Variants in ARFGAP3 observed in about 807,000 individuals in gnomAD.
ARFGAP3 encodes the protein ARF GTPase activating protein 3.
A neutral mutation model predicts 75.0 loss-of-function variants in ARFGAP3; 72 were observed. The observed-to-expected ratio is 0.96, with a 90% CI of 0.79 to 1.17. ARFGAP3 has a LOEUF of 1.17. ARFGAP3 is among the 50% of genes most tolerant of loss of function. The pLI, the probability that ARFGAP3 is intolerant of heterozygous loss-of-function variation, is 0.00. For synonymous variants in ARFGAP3, 221 were observed against 217.9 expected (o/e 1.01, Z -0.13); for missense variants, 620 against 626.6 (o/e 0.99, Z 0.11).
chr22:42,836,265 C>T (rs1280581685), intron 3 of ARFGAP3, among the ~76,000 whole-genome samples: 1 of 152,000 alleles, frequency 6.6e-6, no homozygotes, highest in Admixed American at 6.6e-5. Context: ...CGTGAGCCAC[C>T]GCTCCTGGCC....
At chr22:42,799,597 AC>A (rs1924766772) in intron 14 of ARFGAP3, among the ~76,000 whole-genome samples, 2 of 151,736 alleles carry the variant, frequency 1.3e-5, no homozygotes, top group East Asian at 3.9e-4. Flanking sequence ...TCCAGGAACC[AC>A]CTCTCCCTTC....
At chr22:42,821,332 AAC>A (rs1350889902) in intron 9 of ARFGAP3, among the ~76,000 whole-genome samples, 1 of 152,196 alleles carries the variant, frequency 6.6e-6, no homozygotes, top group African/African-American at 2.4e-5. Context: ...CTAACTCCAG[AAC>A]ACTTTCAGCA....
chr22:42,846,693 T>A (rs1164842566), intron 2 of ARFGAP3, among the ~76,000 whole-genome samples: 2 of 152,236 alleles, frequency 1.3e-5, no homozygotes, highest in Non-Finnish European at 2.9e-5. Flanking sequence ...ACGGTGGAAG[T>A]GAAGCCCTGA....
chr22:42,833,942 G>A (rs1365409548), intron 5 of ARFGAP3, among the ~76,000 whole-genome samples: 1 of 152,118 alleles, frequency 6.6e-6, no homozygotes, highest in Non-Finnish European at 1.5e-5. Context: ...TAGAAGAATA[G>A]GGCATTAGCT....
chr22:42,853,901 C>A, intron 1 of ARFGAP3: 1 of 160,052 alleles, frequency 6.2e-6, no homozygotes. Context: ...CTGCAGAGAG[C>A]ATGAGGAGCC....
chr22:42,808,961 A>G, intron 12 of ARFGAP3, 71 bp from the exon 13 acceptor site: 1 of 1,361,744 alleles, frequency 7.3e-7, no homozygotes. Context: ...TACTCATTTT[A>G]TTTTTTAAAA....
At chr22:42,856,911 C>A (rs1369191284) in intron 1 of ARFGAP3, among the ~76,000 whole-genome samples, 1 of 150,696 alleles carries the variant, frequency 6.6e-6, no homozygotes, top group Non-Finnish European at 1.5e-5. Flanking sequence ...GTGAGGACCC[C>A]CGCGCTGCGG....
In ARFGAP3 at chr22:42,827,430, G is replaced by A. The variant is rs149248394; in HGVS notation, c.566-431C>T. ...TACCCAAGCTGGAGTGCAATGGCAC[G>A]ATCTCGGCTCACTGCAACCTTCGCC... On this transcript the variant is annotated intron_variant, in intron 6 of 15. Coordinates refer to ENST00000263245, the MANE Select transcript of ARFGAP3 (RefSeq NM_014570.5). Among the ~76,000 whole-genome samples the A allele has an allele frequency of 5.0e-3, 756 of 152,164 alleles. 1 individual carries two copies. The highest frequency in any genetic ancestry group is 0.016 in the African/African-American group (660 of 41,514).
intron 1 of ARFGAP3, among the ~76,000 whole-genome samples, chr22:42,856,496 G>A (rs1336256378): frequency 2.6e-5 from 4 of 151,362 alleles, no homozygotes; most frequent in Non-Finnish European, 2.9e-5. Context: ...ACAGCCTCTG[G>A]AGACAAAAAA....
chr22:42,815,603 G>A (rs951566148), intron 11 of ARFGAP3, among the ~76,000 whole-genome samples: 1 of 151,888 alleles, frequency 6.6e-6, no homozygotes, highest in African/African-American at 2.4e-5. Flanking sequence ...ATGTGTGTGG[G>A]TGTGTATATA....
At chr22:42,842,672 C>A (rs1926838883) in intron 2 of ARFGAP3, among the ~76,000 whole-genome samples, 1 of 152,050 alleles carries the variant, frequency 6.6e-6, no homozygotes, top group Non-Finnish European at 1.5e-5. Context: ...TAGTCTCGAA[C>A]TCCTGGCCTC....
At position 42,826,702 on chromosome 22, in the gene ARFGAP3, A is replaced by G. The variant is rs1926054212; in HGVS notation, c.625+238T>C. Reference sequence around the variant, plus strand: ...GGTGTGAGCCACTGCCCCCAGCCACAATGCTGCATTTTATATTATCAAGCT... The same window carrying G: ...GGTGTGAGCCACTGCCCCCAGCCACGATGCTGCATTTTATATTATCAAGCT... On this transcript the variant is annotated intron_variant, in intron 7 of 15. Coordinates refer to ENST00000263245, the MANE Select transcript of ARFGAP3 (RefSeq NM_014570.5). 2.0e-5 allele frequency among the ~76,000 whole-genome samples: 3 copies of G among 152,104 alleles called. No homozygotes were observed. In the South Asian group the frequency reaches 6.2e-4, roughly 32 times the overall value.
At chr22:42,805,534 G>T (rs1003411363) in intron 14 of ARFGAP3, among the ~76,000 whole-genome samples, 1 of 152,146 alleles carries the variant, frequency 6.6e-6, no homozygotes, top group Non-Finnish European at 1.5e-5. Context: ...GGTCACAAAA[G>T]GAAGTTGCCC....
At position 42,852,345 on chromosome 22, in the gene ARFGAP3, G is replaced by A. The variant is rs546207368; in HGVS notation, c.70-4713C>T. 6.7e-5 allele frequency among the ~76,000 whole-genome samples: 10 copies of A among 148,850 alleles called. No individual in the cohort carries two copies. In the South Asian group the frequency reaches 8.6e-4, roughly 13 times the overall value. On this transcript the variant is annotated intron_variant, in intron 1 of 15. Transcript: ENST00000263245. ...AAGTGCTGGGATTACAGGCGCCACC[G>A]CGCCTAGCCTCATCTTGAAATTCTT... is the stretch of plus-strand genomic sequence containing the variant.
chr22:42,825,494 T>A (rs1322591822), intron 7 of ARFGAP3, among the ~76,000 whole-genome samples: 1 of 151,656 alleles, frequency 6.6e-6, no homozygotes, highest in African/African-American at 2.4e-5. Context: ...GACAATATGG[T>A]GAAACCCCGT....
At chr22:42,822,751 T>C (rs778568430) in intron 8 of ARFGAP3, among the ~76,000 whole-genome samples, 1 of 152,154 alleles carries the variant, frequency 6.6e-6, no homozygotes, top group Non-Finnish European at 1.5e-5. Flanking sequence ...GCTATGAAAA[T>C]AGTTACTAAT....
intron 11 of ARFGAP3, among the ~76,000 whole-genome samples, chr22:42,813,605 CT>C (rs891942359): frequency 2.0e-5 from 3 of 152,342 alleles, no homozygotes; most frequent in African/African-American, 7.2e-5. Context: ...TTGGGTCCCC[CT>C]GACCAGCATG....
At chr22:42,856,533 G>A (rs1460115081) in intron 1 of ARFGAP3, among the ~76,000 whole-genome samples, 1 of 152,102 alleles carries the variant, frequency 6.6e-6, no homozygotes, top group Non-Finnish European at 1.5e-5. Flanking sequence ...TCTCCAAAGA[G>A]AACCGAGGAG....
At chr22:42,800,268 G>C (rs1248631905) in intron 14 of ARFGAP3, among the ~76,000 whole-genome samples, 1 of 152,208 alleles carries the variant, frequency 6.6e-6, no homozygotes, top group Non-Finnish European at 1.5e-5. Context: ...AGTGGCTCAC[G>C]CCTGTAATCC....
Sources: gnomAD v4.1 joint callset for allele counts (sites outside exome capture counted in the v4.1 genomes callset) on GRCh38, gnomAD v4.1.1 for gene constraint, MANE v1.5 for transcripts, NCBI Gene and HGNC (gene_info 2026-07-23, HGNC 2026-07-21) for gene names.